SORCS2: variants seen among roughly 807,000 people sequenced by gnomAD.
The protein encoded by SORCS2 is sortilin related VPS10 domain containing receptor 2.
A neutral mutation model predicts 141.6 loss-of-function variants in SORCS2; 100 were observed. The ratio of observed to expected loss-of-function variants is 0.71; its 90% confidence interval spans 0.60 to 0.83. The LOEUF is 0.83. SORCS2 is among the 40% of genes least tolerant of loss of function. The pLI is 0.00. For synonymous variants in SORCS2, 789 were observed against 676.9 expected (o/e 1.17, Z -2.57); for missense variants, 1,646 against 1,560.2 (o/e 1.05, Z -0.93).
chr4:7,477,945 C>T (rs188808272), intron 2 of SORCS2, among the ~76,000 whole-genome samples: 74 of 152,268 alleles, frequency 4.9e-4, no homozygotes, highest in African/African-American at 1.7e-3. Flanking sequence ...TTGGCTATCG[C>T]GCACACCTGC....
At chr4:7,550,116 G>A (rs1225003386) in intron 3 of SORCS2, among the ~76,000 whole-genome samples, 7 of 102,194 alleles carry the variant, frequency 6.8e-5, no homozygotes, top group African/African-American at 2.4e-4. Flanking sequence ...TTCCGTGTGT[G>A]TGTGTGTATG....
intron 3 of SORCS2, among the ~76,000 whole-genome samples, chr4:7,564,638 G>A (rs1463064143): frequency 6.6e-6 from 1 of 152,216 alleles, no homozygotes; most frequent in Non-Finnish European, 1.5e-5. Flanking sequence ...GAGGAGCTGG[G>A]CCCGAGCTCA....
chr4:7,312,117 C>T (rs577471760), intron 1 of SORCS2, among the ~76,000 whole-genome samples: 19 of 152,288 alleles, frequency 1.2e-4, no homozygotes, highest in Admixed American at 1.0e-3. Context: ...CCCTGTGATC[C>T]GCCCACCTTG....
chr4:7,593,890 C>G (rs1473989813), intron 3 of SORCS2, among the ~76,000 whole-genome samples: 1 of 152,228 alleles, frequency 6.6e-6, no homozygotes, highest in African/African-American at 2.4e-5. Context: ...AGGCGCTACT[C>G]GGAGACTCAT....
At chr4:7,576,452 A>G (rs1188362286) in intron 3 of SORCS2, among the ~76,000 whole-genome samples, 1 of 152,240 alleles carries the variant, frequency 6.6e-6, no homozygotes, top group Non-Finnish European at 1.5e-5. Context: ...AAGTCACAAC[A>G]GCCATCGAGT....
At chr4:7,481,214 C>T (rs1041250311) in intron 2 of SORCS2, among the ~76,000 whole-genome samples, 9 of 152,238 alleles carry the variant, frequency 5.9e-5, no homozygotes, top group Admixed American at 1.3e-4. Flanking sequence ...AAGGACACAG[C>T]GTCTGCGACC....
At chr4:7,266,919 G>A (rs1714774565) in intron 1 of SORCS2, among the ~76,000 whole-genome samples, 1 of 152,034 alleles carries the variant, frequency 6.6e-6, no homozygotes, top group Non-Finnish European at 1.5e-5. Context: ...TTCCTCTGCA[G>A]ACGGTGGCTC....
chr4:7,543,407 C>A (rs865864768), intron 3 of SORCS2, among the ~76,000 whole-genome samples: 5 of 79,872 alleles, frequency 6.3e-5, no homozygotes, highest in Middle Eastern at 0.014. Flanking sequence ...ATCCATCCAC[C>A]CATCCATCTA....
At chr4:7,408,249 A>G (rs1323693551) in intron 2 of SORCS2, among the ~76,000 whole-genome samples, 1 of 150,226 alleles carries the variant, frequency 6.7e-6, no homozygotes, top group Non-Finnish European at 1.5e-5. Context: ...TTCAGATGGA[A>G]AAACTCCCTT....
At chr4:7,337,062 T>A (rs1720032842) in intron 1 of SORCS2, among the ~76,000 whole-genome samples, 1 of 152,196 alleles carries the variant, frequency 6.6e-6, no homozygotes, top group Admixed American at 6.5e-5. Context: ...TGGCTTTTTG[T>A]GCCGAGGTCC....
At chr4:7,422,851 A>G (rs1304791154) in intron 2 of SORCS2, among the ~76,000 whole-genome samples, 1 of 152,088 alleles carries the variant, frequency 6.6e-6, no homozygotes, top group African/African-American at 2.4e-5. Context: ...GCCTGCTAAT[A>G]ACTGACCCAG....
chr4:7,386,621 A>G (rs1723354869), intron 1 of SORCS2, among the ~76,000 whole-genome samples: 1 of 151,080 alleles, frequency 6.6e-6, no homozygotes, highest in African/African-American at 2.4e-5. Context: ...TGCCCACCAT[A>G]CACATGAACA....
chr4:7,505,301 G>C (rs1046251995), intron 2 of SORCS2, among the ~76,000 whole-genome samples: 4 of 152,222 alleles, frequency 2.6e-5, no homozygotes, highest in African/African-American at 9.7e-5. Flanking sequence ...AGGGACATAG[G>C]TGGCCGGCGG....
intron 2 of SORCS2, among the ~76,000 whole-genome samples, chr4:7,498,990 G>GA (rs1731797914): frequency 6.6e-6 from 1 of 152,168 alleles, no homozygotes; most frequent in Non-Finnish European, 1.5e-5. Flanking sequence ...TGAGGCTGGG[G>GA]AAAGGGGGGC....
chr4:7,466,330 G>C (rs539216039), intron 2 of SORCS2, among the ~76,000 whole-genome samples: 1 of 152,108 alleles, frequency 6.6e-6, no homozygotes, highest in Non-Finnish European at 1.5e-5. Flanking sequence ...GGGATTCCAC[G>C]GGGGAGGGTG....
intron 1 of SORCS2, among the ~76,000 whole-genome samples, chr4:7,369,381 A>G (rs763500354): frequency 1.2e-4 from 18 of 152,236 alleles, no homozygotes; most frequent in Non-Finnish European, 1.9e-4. Flanking sequence ...GTATGTCTTT[A>G]TCAGCAGCAT....
At chr4:7,477,714 C>T (rs1730390197) in intron 2 of SORCS2, among the ~76,000 whole-genome samples, 1 of 152,126 alleles carries the variant, frequency 6.6e-6, no homozygotes, top group Non-Finnish European at 1.5e-5. Context: ...GATTTCCTGT[C>T]CCACTGCATG....
At chr4:7,638,578 T>G in intron 4 of SORCS2, 86 bp downstream of exon 4, 1 of 1,413,226 alleles carries the variant, frequency 7.1e-7, no homozygotes, top group Non-Finnish European at 9.4e-7. Flanking sequence ...TTGGAGCAAG[T>G]GGGACCCGGA....
intron 2 of SORCS2, among the ~76,000 whole-genome samples, chr4:7,476,696 G>A (rs552348304): frequency 3.9e-5 from 6 of 152,230 alleles, no homozygotes; most frequent in African/African-American, 1.4e-4. Flanking sequence ...CTCCTGCTAG[G>A]AGTCCCTCTC....
Sources: gnomAD v4.1 joint callset for allele counts (sites outside exome capture counted in the v4.1 genomes callset) on GRCh38, gnomAD v4.1.1 for gene constraint, MANE v1.5 for transcripts, NCBI Gene and HGNC (gene_info 2026-07-23, HGNC 2026-07-21) for gene names.